ABHD17A: variants seen among roughly 807,000 people sequenced by gnomAD.
ABHD17A encodes alpha/beta hydrolase domain-containing protein 17A.
A neutral mutation model predicts 26.8 loss-of-function variants in ABHD17A; 10 were observed. The observed-to-expected ratio is 0.37, with a 90% confidence interval of 0.23 to 0.63. The LOEUF is 0.63. Among genes scored for constraint, ABHD17A ranks in the 30% least tolerant of loss-of-function variants. The pLI, the probability that ABHD17A is intolerant of heterozygous loss-of-function variation, is 0.61. For synonymous variants in ABHD17A, 167 were observed against 210.9 expected (o/e 0.79, Z 1.80); for missense variants, 292 against 457.3 (o/e 0.64, Z 3.30).
Position 1,880,033 on chromosome 19 carries a change from G to T in ABHD17A, c.415C>A (p.His139Asn). ...TAGTCGTAGGAGAAGATGTTGCAGTGGAGGCGGGAGCCCAGGCCAATGTAG... is the reference window on the plus strand; with the variant it reads ...TAGTCGTAGGAGAAGATGTTGCAGTTGAGGCGGGAGCCCAGGCCAATGTAG... ...SFYIGLGSRL[H>N]CNIFSYDYSG... The change falls in exon 3 of 5, where the codon CAC becomes AAC. Residue 139 changes from histidine (H) to asparagine (N), a missense_variant. Physicochemically the swap from His to Asn is moderately conservative, Grantham distance 68 (BLOSUM62 1). Around this residue, in one of 4 missense-constraint regions of ABHD17A, gnomAD observed 171 missense variants for 216.1 expected, o/e 0.79. Coordinates refer to ENST00000292577, the MANE Select transcript of ABHD17A (RefSeq NM_001130111.2). The surrounding 1 kb of genome is among the most constrained non-coding windows in gnomAD (Gnocchi z 4.1). 6.2e-7 allele frequency: 1 copy of T among 1,613,130 alleles called. No homozygotes were observed. The highest frequency in any genetic ancestry group is 8.5e-7 in the Non-Finnish European group (1 of 1,180,010).
At position 1,877,061 on chromosome 19, in the gene ABHD17A, C is replaced by T. The variant is rs1271673497; in HGVS notation, c.*139G>A. On this transcript the variant is annotated 3_prime_UTR_variant, in exon 5 of 5. Coordinates refer to ENST00000292577, the MANE Select transcript of ABHD17A (RefSeq NM_001130111.2). ...GGAGTGCGTAGCTCTGTTGCCTGTA[C>T]ATCGTCCACAGCCCCTGGGTCGGGG... 6.5e-6 allele frequency: 4 copies of T among 615,636 alleles called. No homozygotes were observed. Among genetic ancestry groups the T allele is most frequent in the Non-Finnish European group, 8.6e-6 (3 of 350,774 alleles). The allele number at this position is 615,636 out of a possible 1,614,324, so 38.1% of individuals were successfully genotyped here. A position where few individuals can be genotyped will look rare whatever the true frequency, so the allele number is the denominator to read the frequency against.
rs1238524507 is a variant in ABHD17A, at chr19:1,881,402, G to C, written c.165C>G (p.Thr55=). The C allele has an allele frequency of 3.1e-6, 5 of 1,603,772 alleles. No homozygotes were observed. The highest frequency in any genetic ancestry group is 4.2e-6 in the Non-Finnish European group (5 of 1,178,656). ...PGGAGAAPLG[T]LRASSGAPGR... ...CGGGTGCGCCCGAGGAGGCTCTCAG[G>C]GTCCCCAAGGGGGCGGCCCCGGCCC... Residue 55 remains threonine (T), a synonymous_variant, in exon 2 of 5, where the codon ACC becomes ACG. Coordinates refer to ENST00000292577, the MANE Select transcript of ABHD17A (RefSeq NM_001130111.2).
In ABHD17A at chr19:1,877,113, T is replaced by C; in HGVS notation, c.*87A>G. 2 of 1,333,808 alleles carry C rather than the reference T, an allele frequency of 1.5e-6. No individual in the cohort carries two copies. Among genetic ancestry groups the C allele is most frequent in the Non-Finnish European group, 2.0e-6 (2 of 982,816 alleles). 82.6% of individuals were successfully genotyped at this position (1,333,808 alleles called of 1,614,324 possible). ...GGGGTCCCCTGGGCCGCCCGGGGGGTCCACATGCAGCCCCTGGGTGGGGGC... is the reference window on the plus strand; with the variant it reads ...GGGGTCCCCTGGGCCGCCCGGGGGGCCCACATGCAGCCCCTGGGTGGGGGC... On this transcript the variant is annotated 3_prime_UTR_variant, in exon 5 of 5. Coordinates refer to ENST00000292577, the MANE Select transcript of ABHD17A (RefSeq NM_001130111.2).
chr19:1,882,650 C>G (rs761748870), intron 1 of ABHD17A: 5 of 152,206 alleles, frequency 3.3e-5, no homozygotes, highest in Non-Finnish European at 7.3e-5. Flanking sequence ...GAAACTCGGA[C>G]CTTCTTCCTT....
chr19:1,881,553 G>A lies in ABHD17A; in HGVS notation c.14C>T (p.Ser5Leu), dbSNP rs756960378. The change falls in exon 2 of 5, where the codon TCG (serine) becomes TTG (leucine). Residue 5 changes from serine (S) to leucine (L), a missense_variant. By Grantham distance (145) the Ser-to-Leu change is moderately radical. Around this residue, in one of 4 missense-constraint regions of ABHD17A, gnomAD observed 171 missense variants for 216.1 expected, o/e 0.79. Coordinates refer to ENST00000292577, the MANE Select transcript of ABHD17A (RefSeq NM_001130111.2). ...GAAGAGGCAGCAGAGCTCACTCAGC[G>A]ACAGCCCATTCATGGCGGGCGCCGC... MNGLSLSELCCLFCC... is the reference protein window; with the variant it reads MNGLLLSELCCLFCC... The A allele has an allele frequency of 5.0e-6, 8 of 1,600,218 alleles. No individual in the cohort carries two copies. Among genetic ancestry groups the A allele is most frequent in the African/African-American group, 1.3e-5 (1 of 74,584 alleles).
Position 1,880,941 on chromosome 19 carries a change from C to G in ABHD17A, c.332+294G>C, listed in dbSNP as rs748162460. ...CCCGCAGGCCAGGGCAGCCCCTGTG[C>G]CCCAGCTCTTGCCCAGCAGGCAACC... On this transcript the variant is annotated intron_variant, in intron 2 of 4. Transcript: ENST00000292577. This position sits in a 1 kb window ranked among gnomAD's most constrained non-coding sequence, Gnocchi z 4.1. 2.9e-5 allele frequency: 46 copies of G among 1,612,938 alleles called. No individual in the cohort carries two copies. The highest frequency in any genetic ancestry group is 3.9e-5 in the Non-Finnish European group (46 of 1,179,924).
In ABHD17A at chr19:1,880,859, G is replaced by T. The variant is rs989600854; in HGVS notation, c.332+376C>A. Reference sequence around the variant, plus strand: ...CACCTAGCCCAGCCAGAAGGTAAAGGCTCGCCCTCTGGACTCAGATCTGGT... The same window carrying T: ...CACCTAGCCCAGCCAGAAGGTAAAGTCTCGCCCTCTGGACTCAGATCTGGT... On this transcript the variant is annotated intron_variant, in intron 2 of 4. Transcript: ENST00000292577. The surrounding 1 kb of genome is among the most constrained non-coding windows in gnomAD (Gnocchi z 4.1). 7.4e-6 allele frequency: 12 copies of T among 1,611,774 alleles called. No homozygotes were observed. The African/African-American group carries it at 1.1e-4, about 14-fold the overall frequency.
In ABHD17A at chr19:1,880,690, C is replaced by G. The variant is rs2012498365; in HGVS notation, c.332+545G>C. Among the ~76,000 whole-genome samples, 1 of 152,190 alleles carries G rather than the reference C, an allele frequency of 6.6e-6. No individual in the cohort carries two copies. The highest frequency in any genetic ancestry group is 2.4e-5 in the African/African-American group (1 of 41,430). On this transcript the variant is annotated intron_variant, in intron 2 of 4. Transcript: ENST00000292577. This position sits in a 1 kb window ranked among gnomAD's most constrained non-coding sequence, Gnocchi z 4.1. ...TCTGCTCACACTCATGCAGCCCCTC[C>G]TGGCCCACCACCCTGCCCAAGCCCC...
intron 1 of ABHD17A, among the ~76,000 whole-genome samples, chr19:1,884,703 G>C (rs982273965): frequency 6.6e-6 from 1 of 152,164 alleles, no homozygotes; most frequent in African/African-American, 2.4e-5. Context: ...TGACAGAGCA[G>C]GCTCCTGGCT....
At position 1,881,670 on chromosome 19, in the gene ABHD17A, G is replaced by T. The variant is rs371856940; in HGVS notation, c.-104C>A. On this transcript the variant is annotated 5_prime_UTR_variant, in exon 2 of 5. Transcript: ENST00000292577. ...TGGGGGTGCTCCGAGTCGCGGGCAGGGGGGAGAGCGCCCCCCCAGCTACCG... is the reference window on the plus strand; with the variant it reads ...TGGGGGTGCTCCGAGTCGCGGGCAGTGGGGAGAGCGCCCCCCCAGCTACCG... The T allele has an allele frequency of 4.3e-5, 59 of 1,356,478 alleles. No individual in the cohort carries two copies. The highest frequency in any genetic ancestry group is 2.7e-4 in the Middle Eastern group (1 of 3,682). The allele number at this position is 1,356,478 out of a possible 1,614,324, so 84.0% of individuals were successfully genotyped here.
In ABHD17A at chr19:1,880,271, G is replaced by A. The variant is rs982320009; in HGVS notation, c.333-156C>T. On this transcript the variant is annotated intron_variant, in intron 2 of 4. Coordinates refer to ENST00000292577, the MANE Select transcript of ABHD17A (RefSeq NM_001130111.2). This position sits in a 1 kb window ranked among gnomAD's most constrained non-coding sequence, Gnocchi z 4.1. ...GGGCCAGAAGCCAGTGAATGGAGAG[G>A]GGAGGCTACGACAGCACAGCTCCAT... Among the ~76,000 whole-genome samples, 14 of 152,224 alleles carry A rather than the reference G, an allele frequency of 9.2e-5. No individual in the cohort carries two copies. Among genetic ancestry groups the A allele is most frequent in the Non-Finnish European group, 1.6e-4 (11 of 68,030 alleles).
chr19:1,881,165 A>G (rs1353118190), intron 2 of ABHD17A, 70 bp downstream of exon 2: 1 of 1,589,980 alleles, frequency 6.3e-7, no homozygotes, highest in East Asian at 2.3e-5. Flanking sequence ...AACCACACCA[A>G]GCACCGCAGG....
At chr19:1,883,380 C>T (rs750252113) in intron 1 of ABHD17A, 1 of 152,468 alleles carries the variant, frequency 6.6e-6, no homozygotes, top group Non-Finnish European at 1.5e-5. Flanking sequence ...ACATCCACAG[C>T]GTCGAGGTTG....
intron 3 of ABHD17A, chr19:1,878,557 T>C (rs2012436417): frequency 2.0e-5 from 3 of 152,292 alleles, no homozygotes; most frequent in Admixed American, 2.0e-4. Context: ...GGCAGGAGCA[T>C]GGGCAGGTGT....
rs1420940160 is a variant in ABHD17A at position 1,879,401 on chromosome 19, G to A, written c.527+520C>T. ...GACTAGGAGGGCTGGATCTGGAATCGAGGCTGGCCCAGACCTCGGATGTGT... is the reference window on the plus strand; with the variant it reads ...GACTAGGAGGGCTGGATCTGGAATCAAGGCTGGCCCAGACCTCGGATGTGT... On this transcript the variant is annotated intron_variant, in intron 3 of 4. Coordinates refer to ENST00000292577, the MANE Select transcript of ABHD17A (RefSeq NM_001130111.2). This position sits in a 1 kb window ranked among gnomAD's most constrained non-coding sequence, Gnocchi z 7.6. 5.4e-5 allele frequency: 9 copies of A among 166,924 alleles called. No homozygotes were observed. The South Asian group carries it at 1.0e-3, about 19-fold the overall frequency. 10.3% of individuals were successfully genotyped at this position (166,924 alleles called of 1,614,324 possible).
intron 1 of ABHD17A, among the ~76,000 whole-genome samples, chr19:1,885,045 G>A (rs1003397659): frequency 2.6e-5 from 4 of 152,218 alleles, no homozygotes; most frequent in African/African-American, 7.2e-5. Context: ...GTCGGACTGG[G>A]GGCAGTTTCG....
chr19:1,879,493 C>A lies in ABHD17A; in HGVS notation c.527+428G>T, dbSNP rs1471273954. On this transcript the variant is annotated intron_variant, in intron 3 of 4. Coordinates refer to ENST00000292577, the MANE Select transcript of ABHD17A (RefSeq NM_001130111.2). The surrounding 1 kb of genome is among the most constrained non-coding windows in gnomAD (Gnocchi z 7.6). Reference sequence around the variant, plus strand: ...TGGCCAAGCTCCGCAGCCACAGGGCCTCATGGGCCAGTCCTCCGGACCTGG... The same window carrying A: ...TGGCCAAGCTCCGCAGCCACAGGGCATCATGGGCCAGTCCTCCGGACCTGG... The A allele has an allele frequency of 3.9e-6, 1 of 258,988 alleles. No homozygotes were observed. Among genetic ancestry groups the A allele is most frequent in the Non-Finnish European group, 7.6e-6 (1 of 130,830 alleles). The allele number at this position is 258,988 out of a possible 1,614,324, so 16.0% of individuals were successfully genotyped here. A position where few individuals can be genotyped will look rare whatever the true frequency, so the allele number is the denominator to read the frequency against.
chr19:1,877,950 T>G, intron 3 of ABHD17A: 1 of 495,920 alleles, frequency 2.0e-6, no homozygotes, highest in South Asian at 2.3e-5. Flanking sequence ...GCAGGGATCC[T>G]GCCTACGGAG....
Position 1,879,856 on chromosome 19 carries a change from C to T in ABHD17A, c.527+65G>A. 6.7e-7 allele frequency: 1 copy of T among 1,498,614 alleles called. No homozygotes were observed. The highest frequency in any genetic ancestry group is 9.0e-7 in the Non-Finnish European group (1 of 1,115,652). 92.8% of individuals were successfully genotyped at this position (1,498,614 alleles called of 1,614,324 possible). A position where few individuals can be genotyped will look rare whatever the true frequency, so the allele number is the denominator to read the frequency against. On this transcript the variant is annotated intron_variant, in intron 3 of 4. Transcript: ENST00000292577. This position sits in a 1 kb window ranked among gnomAD's most constrained non-coding sequence, Gnocchi z 7.6. ...CCTTCCTCCCAGGGAAGCCCGCCCC[C>T]CGGCCCCCCGCCTGGTCCCCTCTTG... is the stretch of plus-strand genomic sequence containing the variant.
Sources: gnomAD v4.1 joint callset for allele counts (sites outside exome capture counted in the v4.1 genomes callset) on GRCh38, gnomAD v4.1.1 for gene constraint, gnomAD v4.1.1 regional missense constraint, Gnocchi (gnomAD v3.1) non-coding constraint, MANE v1.5 for transcripts, NCBI Gene and HGNC (gene_info 2026-07-23, HGNC 2026-07-21) for gene names.